UGT2B10: variants seen among roughly 807,000 people sequenced by gnomAD.
UGT2B10 encodes UDP-glucuronosyltransferase 2B10.
A neutral mutation model predicts 43.7 loss-of-function variants in UGT2B10; 51 were observed. That is an observed-to-expected ratio of 1.17 (90% confidence interval 0.93 to 1.47). The LOEUF (loss-of-function observed/expected upper bound fraction) is 1.47. Among genes scored for constraint, UGT2B10 ranks in the 40% most tolerant of loss-of-function variants. The pLI, the probability that UGT2B10 is intolerant of heterozygous loss-of-function variation, is 0.00. For missense variants in UGT2B10, 696 were observed against 617.7 expected (o/e 1.13, Z -1.34); for synonymous variants, 225 against 209.0 (o/e 1.08, Z -0.66).
chr4:68,825,377 GT>G (rs1441934596), intron 3 of UGT2B10, among the ~76,000 whole-genome samples: 1 of 151,574 alleles, frequency 6.6e-6, no homozygotes, highest in Admixed American at 6.6e-5. Flanking sequence ...ACATGTGCAG[GT>G]TTTTTACATA....
At chr4:68,817,269 G>A (rs1459655030) in intron 1 of UGT2B10, among the ~76,000 whole-genome samples, 1 of 151,672 alleles carries the variant, frequency 6.6e-6, no homozygotes, top group African/African-American at 2.4e-5. Flanking sequence ...GTAATTTGAA[G>A]TTTCAAATGT....
In UGT2B10 at chr4:68,816,667, G is replaced by A. The variant is rs767126667; in HGVS notation, c.648G>A (p.Val216=). 4 of 1,612,102 alleles carry A rather than the reference G, an allele frequency of 2.5e-6. No homozygotes were observed. Among genetic ancestry groups the A allele is most frequent in the Admixed American group, 1.7e-5 (1 of 59,772 alleles). The change falls in exon 1 of 6, where the codon GTG becomes GTA. Residue 216 remains valine (V), a synonymous_variant. Transcript: ENST00000265403. The part of the protein sequence containing the change: ...FMERVKNMLY[V]LYFDFWFQIF... ...AGAGGGTAAAAAATATGCTCTATGT[G>A]CTTTATTTTGACTTTTGGTTCCAAA...
intron 3 of UGT2B10, among the ~76,000 whole-genome samples, chr4:68,825,627 A>C (rs1318224437): frequency 6.6e-6 from 1 of 152,060 alleles, no homozygotes; most frequent in Non-Finnish European, 1.5e-5. Context: ...TGCTAAGGCT[A>C]ATGGCCACCA....
chr4:68,830,268 C>A (rs1308123286), intron 5 of UGT2B10, among the ~76,000 whole-genome samples: 1 of 151,046 alleles, frequency 6.6e-6, no homozygotes, highest in Non-Finnish European at 1.5e-5. Flanking sequence ...ATCTCATATA[C>A]CCCATAAACA....
At chr4:68,827,814 C>T (rs1221408903) in intron 5 of UGT2B10, among the ~76,000 whole-genome samples, 2 of 151,598 alleles carry the variant, frequency 1.3e-5, no homozygotes, top group South Asian at 2.1e-4. Flanking sequence ...AAATACATTT[C>T]TTAAAAATTT....
rs1205963536 is a variant in UGT2B10, at chr4:68,817,959, C to T, written c.719-70C>T. The T allele has an allele frequency of 5.8e-6, 9 of 1,552,784 alleles. No individual in the cohort carries two copies. The East Asian group carries it at 9.3e-5, about 16-fold the overall frequency. On this transcript the variant is annotated intron_variant, in intron 1 of 5. Transcript: ENST00000265403. ...AACATTTTTGCCTGCATTATTCTAA[C>T]CCCTTTCAGAAAATTACATAAAGTA...
At chr4:68,822,615 T>G (rs113779452) in intron 3 of UGT2B10, among the ~76,000 whole-genome samples, 1,798 of 152,242 alleles carry the variant, frequency 0.012, 27 homozygotes, top group African/African-American at 0.041. Context: ...ACCCTTGGTA[T>G]GCATGAGTGA....
Position 68,816,428 on chromosome 4 carries a change from A to G in UGT2B10, c.409A>G (p.Lys137Glu). ...KDVVSNKKLM[K>E]KLQESRFDIV... ...TGTAGTTTCAAATAAGAAACTTATG[A>G]AAAAACTACAAGAGTCAAGATTTGA... Residue 137 changes from lysine to glutamate, a missense_variant, in exon 1 of 6, where the codon AAA (lysine) becomes GAA (glutamate). Coordinates refer to ENST00000265403, the MANE Select transcript of UGT2B10 (RefSeq NM_001075.6). 1.2e-6 allele frequency: 2 copies of G among 1,612,970 alleles called. No individual in the cohort carries two copies. The highest frequency in any genetic ancestry group is 1.7e-6 in the Non-Finnish European group (2 of 1,179,404).
rs1450381810 is a variant in UGT2B10 at position 68,827,347 on chromosome 4, C to G, written c.1106C>G (p.Ala369Gly). 6.2e-7 allele frequency: 1 copy of G among 1,613,200 alleles called. No homozygotes were observed. ...NDLLGHPKTR[A>G]FITHGGANGI... ...ATCCTAGGTCATCCAAAAACCAGAG[C>G]TTTTATAACTCATGGTGGAGCCAAT... The change falls in exon 5 of 6, where the codon GCT becomes GGT. Residue 369 changes from alanine (A) to glycine (G), a missense_variant. Coordinates refer to ENST00000265403, the MANE Select transcript of UGT2B10 (RefSeq NM_001075.6).
At chr4:68,825,028 C>A (rs1235319995) in intron 3 of UGT2B10, among the ~76,000 whole-genome samples, 1 of 152,018 alleles carries the variant, frequency 6.6e-6, no homozygotes, top group African/African-American at 2.4e-5. Flanking sequence ...AAAACCCTTG[C>A]AGCATTTATT....
rs776194391 is a variant in UGT2B10 at position 68,816,236 on chromosome 4, C to T, written c.217C>T (p.Leu73Phe). 23 of 1,613,102 alleles carry T rather than the reference C, an allele frequency of 1.4e-5. No individual in the cohort carries two copies. The highest frequency in any genetic ancestry group is 9.9e-5 in the South Asian group (9 of 91,058). Reference protein sequence around the residue: ...FDPNDSSTLKLEVYPTSLTKT... With the variant: ...FDPNDSSTLKFEVYPTSLTKT... Reference sequence around the variant, plus strand: ...TCCCAACGACTCATCCACTCTTAAACTTGAAGTTTATCCTACATCTTTAAC... The same window carrying T: ...TCCCAACGACTCATCCACTCTTAAATTTGAAGTTTATCCTACATCTTTAAC... Residue 73 changes from leucine (L) to phenylalanine (F), a missense_variant, in exon 1 of 6, where the codon CTT becomes TTT. By Grantham distance (22) the Leu-to-Phe change is conservative. Coordinates refer to ENST00000265403, the MANE Select transcript of UGT2B10 (RefSeq NM_001075.6).
intron 2 of UGT2B10, among the ~76,000 whole-genome samples, chr4:68,818,962 T>G (rs983750082): frequency 1.7e-4 from 26 of 152,002 alleles, no homozygotes; most frequent in African/African-American, 6.0e-4. Flanking sequence ...GCCTCCAAGA[T>G]ATTCAATGGA....
intron 3 of UGT2B10, among the ~76,000 whole-genome samples, chr4:68,823,628 A>G (rs1055035226): frequency 5.3e-5 from 8 of 152,152 alleles, no homozygotes; most frequent in African/African-American, 1.9e-4. Context: ...AGCATAGGGA[A>G]CAAACTTTTT....
chr4:68,818,619 AG>A (rs1295781463), intron 2 of UGT2B10, among the ~76,000 whole-genome samples: 1 of 27,390 alleles, frequency 3.7e-5, no homozygotes, highest in South Asian at 5.6e-3. Context: ...TATTATCTCA[AG>A]AAAAAAACCC....
chr4:68,825,208 C>T (rs1459862785), intron 3 of UGT2B10, among the ~76,000 whole-genome samples: 5 of 150,756 alleles, frequency 3.3e-5, no homozygotes, highest in Non-Finnish European at 7.4e-5. Flanking sequence ...ACATAAAATA[C>T]ATAAAACAAA....
chr4:68,824,278 T>C (rs1737658441), intron 3 of UGT2B10, among the ~76,000 whole-genome samples: 1 of 152,206 alleles, frequency 6.6e-6, no homozygotes, highest in African/African-American at 2.4e-5. Flanking sequence ...CCTGCTGGAC[T>C]GGGCCCAGCC....
rs532656587 is a variant in UGT2B10 at position 68,828,510 on chromosome 4, A to G, written c.1307+962A>G. Among the ~76,000 whole-genome samples the G allele has an allele frequency of 1.2e-3, 188 of 152,136 alleles. No individual in the cohort carries two copies. In the Middle Eastern group the frequency reaches 0.024, roughly 19 times the overall value. ...AGAAGATGGGAAATAATTGAATAGA[A>G]ACACAAACCAACTTGGACAAATAGA... On this transcript the variant is annotated intron_variant, in intron 5 of 5. Coordinates refer to ENST00000265403, the MANE Select transcript of UGT2B10 (RefSeq NM_001075.6).
intron 3 of UGT2B10, among the ~76,000 whole-genome samples, chr4:68,825,437 A>T (rs1737724894): frequency 6.6e-6 from 1 of 151,962 alleles, no homozygotes; most frequent in Non-Finnish European, 1.5e-5. Flanking sequence ...TTCATCACCC[A>T]CGTATTAAGA....
At position 68,830,773 on chromosome 4, in the gene UGT2B10, G is replaced by T. The variant is rs752465166; in HGVS notation, c.1481G>T (p.Gly494Val). The change falls in exon 6 of 6, where the codon GGG becomes GTG. Residue 494 changes from glycine (G) to valine (V), a missense_variant. Gly to Val is a moderately radical substitution (Grantham distance 109). Transcript: ENST00000265403. The part of the protein sequence containing the change: ...WFQYHSLDVI[G>V]FLLACVATVL... ...CAGTACCACTCTTTGGATGTGATTGGGTTCCTGCTGGCTTGTGTGGCAACC... is the reference window on the plus strand; with the variant it reads ...CAGTACCACTCTTTGGATGTGATTGTGTTCCTGCTGGCTTGTGTGGCAACC... The T allele has an allele frequency of 1.2e-6, 2 of 1,613,358 alleles. No individual in the cohort carries two copies. The highest frequency in any genetic ancestry group is 1.1e-5 in the South Asian group (1 of 91,062).
Sources: allele counts gnomAD v4.1 joint callset (sites outside exome capture counted in the v4.1 genomes callset), GRCh38; gene constraint gnomAD v4.1.1; transcripts MANE v1.5; gene names NCBI Gene and HGNC (gene_info 2026-07-23, HGNC 2026-07-21).